Variants in ATP8B4 observed in about 807,000 individuals in gnomAD.
ATP8B4 encodes probable phospholipid-transporting ATPase IM.
ATP8B4 carries 133 observed loss-of-function variants against 145.6 expected under a neutral mutation model. That is an observed-to-expected ratio of 0.91 (90% CI 0.79 to 1.05). ATP8B4 has a LOEUF of 1.05. Among genes scored for constraint, ATP8B4 ranks in the 50% least tolerant of loss-of-function variants. The probability of loss-of-function intolerance (pLI) is 0.00; values close to 1 mark genes in which losing one functional copy is unlikely to be tolerated. For missense variants in ATP8B4, 1,458 were observed against 1,425.2 expected (o/e 1.02, Z -0.37); for synonymous variants, 507 against 492.9 (o/e 1.03, Z -0.38).
chr15:49,894,754 G>C (rs564595020), intron 23 of ATP8B4: 6 of 152,458 alleles, frequency 3.9e-5, no homozygotes, highest in Admixed American at 2.0e-4. Flanking sequence ...ATGGCCCCTG[G>C]GGTGGGTAGA....
At chr15:49,881,606 T>C (rs1185876218) in intron 23 of ATP8B4, among the ~76,000 whole-genome samples, 4 of 152,130 alleles carry the variant, frequency 2.6e-5, no homozygotes, top group African/African-American at 9.7e-5. Context: ...ATGCACTCAA[T>C]GTGGCATGAG....
In ATP8B4 at chr15:49,860,269, G is replaced by T. The variant is rs759891585; in HGVS notation, c.3504C>A (p.Ser1168Arg). 1.2e-6 allele frequency: 2 copies of T among 1,614,056 alleles called. No homozygotes were observed. Among genetic ancestry groups the T allele is most frequent in the Non-Finnish European group, 1.7e-6 (2 of 1,180,018 alleles). ...GLEKTHYNSTSWIENLCKKTT... is the reference protein window; with the variant it reads ...GLEKTHYNSTRWIENLCKKTT... ...TTTTCTTACATAAATTTTCAATCCA[G>T]CTAGTGCTATTATAATGTGTCTTTT... is the stretch of plus-strand genomic sequence containing the variant. The change falls in exon 28 of 28, where the codon AGC becomes AGA. Residue 1168 changes from serine (S) to arginine (R), a missense_variant. Coordinates refer to ENST00000284509, the MANE Select transcript of ATP8B4 (RefSeq NM_024837.4).
intron 1 of ATP8B4, among the ~76,000 whole-genome samples, chr15:50,151,266 T>A (rs1305211131): frequency 1.3e-5 from 2 of 152,160 alleles, no homozygotes; most frequent in African/African-American, 4.8e-5. Flanking sequence ...TATTATAGCT[T>A]TTCTTTAGAA....
At chr15:50,092,644 G>C (rs1448245495) in intron 2 of ATP8B4, among the ~76,000 whole-genome samples, 1 of 151,986 alleles carries the variant, frequency 6.6e-6, no homozygotes, top group African/African-American at 2.4e-5. Flanking sequence ...CTGGAAACTG[G>C]TCAGTAGAAA....
intron 6 of ATP8B4, among the ~76,000 whole-genome samples, chr15:50,023,779 C>CAAAAAAAATAAAAAAAAAAAAA (rs2049778390): frequency 1.3e-5 from 1 of 75,056 alleles, no homozygotes. Context: ...AGACCAAAGG[C>CAAAAAAAATAAAAAAAAAAAAA]AAAAAAAAAA....
chr15:50,022,787 G>A (rs1327750787), intron 6 of ATP8B4, among the ~76,000 whole-genome samples: 1 of 152,178 alleles, frequency 6.6e-6, no homozygotes, highest in Non-Finnish European at 1.5e-5. Flanking sequence ...GTAAGTCCCT[G>A]GAACAGGGGA....
chr15:49,995,879 C>A (rs1273496619), intron 9 of ATP8B4, among the ~76,000 whole-genome samples: 1 of 152,060 alleles, frequency 6.6e-6, no homozygotes, highest in Non-Finnish European at 1.5e-5. Context: ...CTCTCTGCAG[C>A]CTATTATGGT....
intron 1 of ATP8B4, among the ~76,000 whole-genome samples, chr15:50,126,681 T>A (rs1365949693): frequency 1.3e-5 from 2 of 152,224 alleles, no homozygotes; most frequent in African/African-American, 4.8e-5. Flanking sequence ...GAATTTCCAT[T>A]GAAGAAACGC....
intron 16 of ATP8B4, among the ~76,000 whole-genome samples, chr15:49,929,225 A>G (rs896511514): frequency 2.6e-5 from 4 of 152,080 alleles, no homozygotes; most frequent in African/African-American, 9.7e-5. Context: ...CTCTTACCCA[A>G]CTGCGCCACA....
intron 1 of ATP8B4, among the ~76,000 whole-genome samples, chr15:50,141,594 G>C (rs2044211014): frequency 6.6e-6 from 1 of 152,122 alleles, no homozygotes; most frequent in African/African-American, 2.4e-5. Flanking sequence ...TCTTCCATGA[G>C]AGGAAGATAT....
At chr15:50,032,330 C>T (rs1250258510) in intron 6 of ATP8B4, among the ~76,000 whole-genome samples, 2 of 152,158 alleles carry the variant, frequency 1.3e-5, no homozygotes, top group Non-Finnish European at 2.9e-5. Context: ...TAATGGCTTC[C>T]AGCTTCATCC....
chr15:50,030,755 GA>G (rs1567228019), intron 6 of ATP8B4, among the ~76,000 whole-genome samples: 3 of 152,128 alleles, frequency 2.0e-5, no homozygotes, highest in Non-Finnish European at 4.4e-5. Flanking sequence ...ACTTTAAAAA[GA>G]AATTAAGAGA....
At chr15:50,015,881 C>T (rs370082582) in intron 6 of ATP8B4, among the ~76,000 whole-genome samples, 93 of 152,300 alleles carry the variant, frequency 6.1e-4, no homozygotes, top group Middle Eastern at 6.8e-3. Flanking sequence ...TATGCTGAGG[C>T]AAAATCACAC....
intron 3 of ATP8B4, among the ~76,000 whole-genome samples, chr15:50,058,843 G>GTTT (rs140088442): frequency 6.8e-6 from 1 of 147,738 alleles, no homozygotes; most frequent in East Asian, 2.0e-4. Flanking sequence ...TGGCTTTGTG[G>GTTT]TTTTTTTTTT....
chr15:49,868,548 A>C (rs1448266138), intron 25 of ATP8B4, among the ~76,000 whole-genome samples: 1 of 152,204 alleles, frequency 6.6e-6, no homozygotes, highest in Non-Finnish European at 1.5e-5. Context: ...TAGATGAGTA[A>C]TAATGTATGA....
Position 49,866,437 on chromosome 15 carries a change from G to C in ATP8B4, c.3075C>G (p.Ile1025Met), listed in dbSNP as rs756577155. The change falls in exon 26 of 28, where the codon ATC becomes ATG. Residue 1025 changes from isoleucine to methionine, a missense_variant. Coordinates refer to ENST00000284509, the MANE Select transcript of ATP8B4 (RefSeq NM_024837.4). ...AGAAATAAATGGCAATGCTCCCCCAGATGAAGACGTGATTAATGAAAGTCC... is the reference window on the plus strand; with the variant it reads ...AGAAATAAATGGCAATGCTCCCCCACATGAAGACGTGATTAATGAAAGTCC... ...SYWTFINHVF[I>M]WGSIAIYFSI... 2 of 1,613,640 alleles carry C rather than the reference G, an allele frequency of 1.2e-6. No homozygotes were observed. The highest frequency in any genetic ancestry group is 2.2e-5 in the South Asian group (2 of 91,082).
intron 3 of ATP8B4, among the ~76,000 whole-genome samples, chr15:50,061,751 A>G (rs2053043220): frequency 6.6e-6 from 1 of 152,164 alleles, no homozygotes; most frequent in African/African-American, 2.4e-5. Context: ...TTCAAAGTAT[A>G]GTGCAAGTTG....
At chr15:50,084,619 TA>T (rs2054773969) in intron 2 of ATP8B4, among the ~76,000 whole-genome samples, 1 of 152,278 alleles carries the variant, frequency 6.6e-6, no homozygotes, top group African/African-American at 2.4e-5. Flanking sequence ...TAAGACAACA[TA>T]AACATTATCT....
rs75849331 is a variant in ATP8B4 at position 49,947,837 on chromosome 15, T to C, written c.1288-13655A>G. 4.0e-4 allele frequency among the ~76,000 whole-genome samples: 61 copies of C among 152,074 alleles called. 1 individual carries two copies. The East Asian group carries it at 0.011, about 28-fold the overall frequency. On this transcript the variant is annotated intron_variant, in intron 14 of 27. Coordinates refer to ENST00000284509, the MANE Select transcript of ATP8B4 (RefSeq NM_024837.4). Reference sequence around the variant, plus strand: ...ATAAACCCACACATAAACAGATGAATGAATTTCAACAAGGGTTCCAAGACT... The same window carrying C: ...ATAAACCCACACATAAACAGATGAACGAATTTCAACAAGGGTTCCAAGACT...
Sources: gnomAD v4.1 joint callset for allele counts (sites outside exome capture counted in the v4.1 genomes callset) on GRCh38, gnomAD v4.1.1 for gene constraint, MANE v1.5 for transcripts, NCBI Gene and HGNC (gene_info 2026-07-23, HGNC 2026-07-21) for gene names.